WDR7: variants seen among roughly 807,000 people sequenced by gnomAD.
WDR7 encodes the protein WD repeat domain 7.
WDR7 carries 46 observed loss-of-function variants against 169.4 expected under a neutral mutation model. The observed-to-expected ratio is 0.27, with a 90% CI of 0.21 to 0.35. WDR7 has a LOEUF of 0.35. WDR7 is among the 10% of genes least tolerant of loss of function. WDR7 has a pLI of 1.00. For missense variants in WDR7, 1,534 were observed against 1,859.3 expected, an observed-to-expected ratio of 0.83 and a Z score of 3.22; for synonymous variants, 612 against 666.8, an observed-to-expected ratio of 0.92 and a Z score of 1.27.
At chr18:56,873,079 A>T (rs2045975198) in intron 20 of WDR7, among the ~76,000 whole-genome samples, 1 of 152,198 alleles carries the variant, frequency 6.6e-6, no homozygotes, top group Non-Finnish European at 1.5e-5. Context: ...TTATAGAAAC[A>T]CTAATCAGTC....
intron 20 of WDR7, among the ~76,000 whole-genome samples, chr18:56,836,892 ATTC>A (rs1469225655): frequency 6.6e-6 from 1 of 152,206 alleles, no homozygotes; most frequent in Non-Finnish European, 1.5e-5. Flanking sequence ...TAGTGTATTA[ATTC>A]TTCTGCATAT....
chr18:56,781,471 A>G (rs2044316900), intron 18 of WDR7, 62 bp from the exon 19 acceptor site: 9 of 1,399,710 alleles, frequency 6.4e-6, no homozygotes, highest in Non-Finnish European at 7.5e-6. Context: ...TTTCTAGTTT[A>G]TGAATATTCA....
intron 26 of WDR7, among the ~76,000 whole-genome samples, chr18:56,964,248 T>A (rs2576417): frequency 0.011 from 1,607 of 151,992 alleles, 31 homozygotes; most frequent in African/African-American, 0.037. Flanking sequence ...GAATATCTTA[T>A]CTTTTTCAAT....
intron 22 of WDR7, among the ~76,000 whole-genome samples, chr18:56,932,471 A>G (rs1437868837): frequency 1.3e-5 from 2 of 152,186 alleles, no homozygotes; most frequent in African/African-American, 4.8e-5. Context: ...CAAATTCACA[A>G]GGCCATTTGT....
At chr18:56,726,652 C>T (rs1248646573) in intron 13 of WDR7, among the ~76,000 whole-genome samples, 2 of 152,026 alleles carry the variant, frequency 1.3e-5, no homozygotes, top group Admixed American at 1.3e-4. Flanking sequence ...ATTTCTTTCT[C>T]CTGCTTGATG....
chr18:56,657,035 A>G (rs1481689884), intron 1 of WDR7, among the ~76,000 whole-genome samples: 1 of 152,216 alleles, frequency 6.6e-6, no homozygotes, highest in Non-Finnish European at 1.5e-5. Flanking sequence ...GACAGAAATC[A>G]AAATTCATAG....
intron 20 of WDR7, among the ~76,000 whole-genome samples, chr18:56,837,151 T>C (rs1454157414): frequency 6.6e-6 from 1 of 152,236 alleles, no homozygotes; most frequent in Admixed American, 6.5e-5. Flanking sequence ...AACGTGACCA[T>C]TGCTGTCAAT....
chr18:56,962,366 C>T, intron 25 of WDR7, 64 bp from the exon 26 acceptor site: 1 of 1,360,656 alleles, frequency 7.3e-7, no homozygotes, highest in Admixed American at 1.7e-5. Flanking sequence ...CTGTCCACTT[C>T]CAAGTGCAGG....
At chr18:57,034,836 C>G in the WDR7 span, 2 of 152,128 alleles carry the variant, frequency 1.3e-5, no homozygotes, top group East Asian at 3.9e-4. Context: ...CTCTGAGACT[C>G]CTTAACATCT....
At chr18:57,032,810 T>TATATAC (rs1401286244), downstream of WDR7, 104 of 19,962 alleles carry the variant, frequency 5.2e-3, 1 homozygote, top group African/African-American at 0.026. Context: ...TTTATATATA[T>TATATAC]ATATATATAT....
intron 21 of WDR7, among the ~76,000 whole-genome samples, chr18:56,922,616 A>T (rs2145639070): frequency 6.6e-6 from 1 of 152,308 alleles, no homozygotes; most frequent in South Asian, 2.1e-4. Flanking sequence ...GGCCGCCTTG[A>T]CATTCTTCTG....
intron 16 of WDR7, among the ~76,000 whole-genome samples, chr18:56,767,371 A>G (rs2044084011): frequency 6.6e-6 from 1 of 151,978 alleles, no homozygotes; most frequent in East Asian, 1.9e-4. Flanking sequence ...GTTTCCTGAG[A>G]CTCTCAGCTT....
chr18:56,739,876 A>ATTT lies in WDR7; in HGVS notation c.1989+8292_1989+8294dup, dbSNP rs58692081. ...TTTAAATATGACATACCTAGATGTG[A>ATTT]TTTTTTTTTTTTTTTGTATTTATAC... is the stretch of plus-strand genomic sequence containing the variant. On this transcript the variant is annotated intron_variant, in intron 14 of 27. Coordinates refer to ENST00000254442, the MANE Select transcript of WDR7 (RefSeq NM_015285.3). Among the ~76,000 whole-genome samples the ATTT allele has an allele frequency of 2.1e-3, 288 of 138,050 alleles. 1 individual carries two copies. The highest frequency in any genetic ancestry group is 6.9e-3 in the African/African-American group (259 of 37,652). 90.6% of individuals were successfully genotyped at this position (138,050 alleles called of 152,430 possible). A position where few individuals can be genotyped will look rare whatever the true frequency, so the allele number is the denominator to read the frequency against.
intron 7 of WDR7, 41 bp from the exon 8 acceptor site, chr18:56,691,172 TACA>T (rs765104725): frequency 2.0e-5 from 32 of 1,565,576 alleles, no homozygotes; most frequent in Non-Finnish European, 2.6e-5. Flanking sequence ...TCTTACTTTT[TACA>T]ACAATATGGA....
chr18:56,714,183 T>C (rs1164972925), intron 12 of WDR7, among the ~76,000 whole-genome samples: 4 of 152,192 alleles, frequency 2.6e-5, no homozygotes, highest in Non-Finnish European at 5.9e-5. Flanking sequence ...TTATATGAGT[T>C]GGACTAGCAT....
chr18:57,006,667 C>T lies in WDR7; in HGVS notation c.4165-14078C>T, dbSNP rs1790877153. Among the ~76,000 whole-genome samples, 4 of 152,084 alleles carry T rather than the reference C, an allele frequency of 2.6e-5. No individual in the cohort carries two copies. In the South Asian group the frequency reaches 8.3e-4, roughly 32 times the overall value. On this transcript the variant is annotated intron_variant, in intron 26 of 27. Transcript: ENST00000254442. ...TTCAGGTAAATTACCTTTGGCCAAA[C>T]TATAGGGAATGCTTATATAAATATG...
At chr18:56,781,733 C>G in intron 19 of WDR7, 77 bp downstream of exon 19, 2 of 1,320,026 alleles carry the variant, frequency 1.5e-6, no homozygotes, top group Non-Finnish European at 2.0e-6. Context: ...AATATATATG[C>G]TACTACCCAT....
chr18:56,823,532 G>A (rs1421106767), intron 20 of WDR7, among the ~76,000 whole-genome samples: 1 of 152,164 alleles, frequency 6.6e-6, no homozygotes, highest in Non-Finnish European at 1.5e-5. Context: ...GTTGCAGTGA[G>A]CTGAGATCAC....
chr18:56,822,076 T>C (rs1187572883), intron 20 of WDR7, among the ~76,000 whole-genome samples: 1 of 152,202 alleles, frequency 6.6e-6, no homozygotes, highest in Non-Finnish European at 1.5e-5. Context: ...ACAGGTGTGC[T>C]ACTGTGTCCA....
Sources: allele counts gnomAD v4.1 joint callset (sites outside exome capture counted in the v4.1 genomes callset), GRCh38; gene constraint gnomAD v4.1.1; transcripts MANE v1.5; gene names NCBI Gene and HGNC (gene_info 2026-07-23, HGNC 2026-07-21).